ZNF131: variants seen among roughly 807,000 people sequenced by gnomAD.
The protein encoded by ZNF131 is zinc finger and BTB domain containing 35.
A neutral mutation model predicts 60.0 loss-of-function variants in ZNF131; 7 were observed. The observed-to-expected ratio is 0.12, with a 90% CI of 0.07 to 0.22. The LOEUF is 0.22. ZNF131 is among the 10% of genes least tolerant of loss of function. ZNF131 has a pLI of 1.00. For missense variants in ZNF131, 493 were observed against 740.9 expected, an observed-to-expected ratio of 0.67 and a Z score of 3.88; for synonymous variants, 257 against 253.2, an observed-to-expected ratio of 1.01 and a Z score of -0.14.
intron 3 of ZNF131, among the ~76,000 whole-genome samples, chr5:43,125,775 C>T (rs1485242671): frequency 5.3e-5 from 8 of 151,556 alleles, no homozygotes; most frequent in East Asian, 3.9e-4. Context: ...AGTGAAACTC[C>T]GTCTCAAAGA....
intron 2 of ZNF131, 69 bp downstream of exon 2, chr5:43,122,246 CTTTTTTTTTTTT>C (rs35497367): frequency 6.8e-6 from 7 of 1,032,126 alleles, no homozygotes; most frequent in Admixed American, 6.3e-5. Flanking sequence ...GGACACCCGC[CTTTTTTTTTTTT>C]TTTTTTTTTT....
At chr5:43,133,881 T>C (rs1579741893) in intron 3 of ZNF131, among the ~76,000 whole-genome samples, 1 of 152,198 alleles carries the variant, frequency 6.6e-6, no homozygotes, top group East Asian at 1.9e-4. Flanking sequence ...AGAGCTTGTA[T>C]CAGTTGTCAG....
intron 4 of ZNF131, 95 bp from the exon 5 acceptor site, chr5:43,161,154 T>G: frequency 8.9e-7 from 1 of 1,128,862 alleles, no homozygotes; most frequent in African/African-American, 1.6e-5. Context: ...TTATAACTGT[T>G]TATATAAATT....
Position 43,174,591 on chromosome 5 carries a change from A to G in ZNF131, c.1330A>G (p.Asn444Asp). 1 of 1,613,522 alleles carries G rather than the reference A, an allele frequency of 6.2e-7. No homozygotes were observed. Among genetic ancestry groups the G allele is most frequent in the Non-Finnish European group, 8.5e-7 (1 of 1,179,688 alleles). The change falls in exon 7 of 7, where the codon AAT becomes GAT. Residue 444 changes from asparagine to aspartate, a missense_variant. Physicochemically the swap from Asn to Asp is conservative, Grantham distance 23 (BLOSUM62 1). Around this residue, in one of 7 missense-constraint regions of ZNF131, gnomAD observed 202 missense variants for 221.3 expected, o/e 0.91. Coordinates refer to ENST00000682664, the MANE Select transcript of ZNF131 (RefSeq NM_001330707.2). ...ELRRHLSDAH[N>D]ISERLVTEEV... is the part of the protein sequence containing the mutation. ...AAGGAGGCATCTCAGTGATGCTCACAATATTTCAGAGCGTCTAGTAACGGA... is the reference window on the plus strand; with the variant it reads ...AAGGAGGCATCTCAGTGATGCTCACGATATTTCAGAGCGTCTAGTAACGGA...
At chr5:43,139,758 C>T (rs1746563955) in intron 4 of ZNF131, among the ~76,000 whole-genome samples, 1 of 152,152 alleles carries the variant, frequency 6.6e-6, no homozygotes, top group Non-Finnish European at 1.5e-5. Flanking sequence ...GCCAAAAATG[C>T]ATACCATAAG....
intron 6 of ZNF131, 59 bp downstream of exon 6, chr5:43,173,507 A>C (rs1751241164): frequency 8.3e-6 from 13 of 1,559,852 alleles, no homozygotes; most frequent in Non-Finnish European, 1.1e-5. Context: ...TGCAGTCATC[A>C]AAAGCAAAGG....
chr5:43,174,476 C>T lies in ZNF131; in HGVS notation c.1215C>T (p.Asp405=). ...GCAACAGTGTGTTTAACAGCTGGGA[C>T]CAGTTCAAAGATCACTTGGTAATAC... The part of the protein sequence containing the change: ...QVCNSVFNSW[D]QFKDHLVIHT... Residue 405 remains aspartate (D), a synonymous_variant, in exon 7 of 7, where the codon GAC becomes GAT. Coordinates refer to ENST00000682664, the MANE Select transcript of ZNF131 (RefSeq NM_001330707.2). The T allele has an allele frequency of 6.5e-7, 1 of 1,539,706 alleles. No individual in the cohort carries two copies. Among genetic ancestry groups the T allele is most frequent in the Non-Finnish European group, 8.7e-7 (1 of 1,143,710 alleles).
chr5:43,134,907 A>T lies in ZNF131; in HGVS notation c.227-4258A>T, dbSNP rs1057169526. On this transcript the variant is annotated intron_variant, in intron 3 of 6. Transcript: ENST00000682664. ...GAGATGAGGTTTCACCATTTTGGCC[A>T]GGCTGGTCTCGAACTTCTGACCTCA... 3.3e-4 allele frequency among the ~76,000 whole-genome samples: 50 copies of T among 151,772 alleles called. 2 individuals carry two copies. Among genetic ancestry groups the T allele is most frequent in the African/African-American group, 7.3e-5 (3 of 41,364 alleles).
intron 3 of ZNF131, among the ~76,000 whole-genome samples, chr5:43,133,273 A>G (rs1026954695): frequency 1.3e-5 from 2 of 152,104 alleles, no homozygotes; most frequent in East Asian, 3.9e-4. Context: ...AGACCAGCCT[A>G]GCCAACATAG....
At chr5:43,146,177 T>C (rs986931876) in intron 4 of ZNF131, among the ~76,000 whole-genome samples, 1 of 152,228 alleles carries the variant, frequency 6.6e-6, no homozygotes, top group African/African-American at 2.4e-5. Context: ...CATGAGGTGC[T>C]CTTCTCACAT....
chr5:43,132,505 CTTT>C (rs4050538), intron 3 of ZNF131, among the ~76,000 whole-genome samples: 1,189 of 93,500 alleles, frequency 0.013, 11 homozygotes, highest in African/African-American at 0.045. Flanking sequence ...GAATGGTATT[CTTT>C]TTTTTTTTTT....
intron 4 of ZNF131, among the ~76,000 whole-genome samples, chr5:43,146,401 A>G (rs564566011): frequency 3.0e-4 from 46 of 152,164 alleles, no homozygotes; most frequent in Non-Finnish European, 5.7e-4. Flanking sequence ...CCTGGCTAAC[A>G]TGGTGAAACC....
At chr5:43,170,330 C>G (rs1403339093) in intron 5 of ZNF131, among the ~76,000 whole-genome samples, 1 of 152,182 alleles carries the variant, frequency 6.6e-6, no homozygotes, top group Admixed American at 6.5e-5. Flanking sequence ...ACATATAGCT[C>G]AGTTACTTGA....
intron 5 of ZNF131, among the ~76,000 whole-genome samples, chr5:43,162,165 A>AT (rs1436813351): frequency 6.6e-6 from 1 of 152,198 alleles, no homozygotes; most frequent in Admixed American, 6.5e-5. Flanking sequence ...CAATTTTTAT[A>AT]TTTTTCAAAG....
intron 4 of ZNF131, among the ~76,000 whole-genome samples, chr5:43,140,840 C>T (rs1487969105): frequency 6.6e-6 from 1 of 152,146 alleles, no homozygotes; most frequent in Non-Finnish European, 1.5e-5. Flanking sequence ...GTCTCAGCCT[C>T]CTGAGTAGCT....
chr5:43,131,317 C>T (rs1025360628), intron 3 of ZNF131, among the ~76,000 whole-genome samples: 3 of 151,914 alleles, frequency 2.0e-5, no homozygotes, highest in African/African-American at 4.8e-5. Context: ...GGATTACAGG[C>T]GTGCACCACC....
chr5:43,137,382 A>G (rs531417471), intron 3 of ZNF131, among the ~76,000 whole-genome samples: 58 of 152,326 alleles, frequency 3.8e-4, no homozygotes, highest in Non-Finnish European at 7.1e-4. Flanking sequence ...CCAATTAAAA[A>G]CAGTCTAAAT....
At chr5:43,138,091 G>A (rs773707994) in intron 3 of ZNF131, among the ~76,000 whole-genome samples, 19 of 152,170 alleles carry the variant, frequency 1.2e-4, no homozygotes, top group Non-Finnish European at 2.6e-4. Context: ...TGGGAGGGAG[G>A]AGGAAATGGG....
At chr5:43,140,118 G>T (rs1451169217) in intron 4 of ZNF131, among the ~76,000 whole-genome samples, 1 of 75,264 alleles carries the variant, frequency 1.3e-5, no homozygotes, top group Admixed American at 1.8e-4. Flanking sequence ...CAGGAGCTGA[G>T]GTGGGAGGGG....
Sources: allele counts gnomAD v4.1 joint callset (sites outside exome capture counted in the v4.1 genomes callset), GRCh38; gene constraint gnomAD v4.1.1; regional missense constraint gnomAD v4.1.1; transcripts MANE v1.5; gene names NCBI Gene and HGNC (gene_info 2026-07-23, HGNC 2026-07-21).